The following PPP2R1A variants were observed in gnomAD, a reference collection of about 807,000 sequenced individuals.
PPP2R1A encodes the protein serine/threonine-protein phosphatase 2A 65 kDa regulatory subunit A alpha isoform.
A neutral mutation model predicts 67.1 loss-of-function variants in PPP2R1A; 15 were observed. The observed-to-expected ratio is 0.22, with a 90% confidence interval of 0.15 to 0.34. PPP2R1A has a LOEUF of 0.34. Among genes scored for constraint, PPP2R1A ranks in the 10% least tolerant of loss-of-function variants. PPP2R1A has a pLI of 1.00. For missense variants in PPP2R1A, 369 were observed against 775.0 expected, an observed-to-expected ratio of 0.48 and a Z score of 6.22; for synonymous variants, 337 against 325.0, an observed-to-expected ratio of 1.04 and a Z score of -0.40.
At chr19:52,225,012 T>G (rs1049735521) in intron 13 of PPP2R1A, among the ~76,000 whole-genome samples, 2 of 87,218 alleles carry the variant, frequency 2.3e-5, no homozygotes, top group African/African-American at 1.4e-4. Context: ...TGAGTTTACC[T>G]TTTTTTTTTT....
At chr19:52,195,755 G>A (rs1257754909) in intron 1 of PPP2R1A, among the ~76,000 whole-genome samples, 1 of 152,198 alleles carries the variant, frequency 6.6e-6, no homozygotes, top group African/African-American at 2.4e-5. Flanking sequence ...GAGCTATGGG[G>A]GAAGGGGTGT....
chr19:52,192,457 G>A (rs2089463112), intron 1 of PPP2R1A, among the ~76,000 whole-genome samples: 1 of 151,974 alleles, frequency 6.6e-6, no homozygotes, highest in African/African-American at 2.4e-5. Flanking sequence ...ACAGACGCAG[G>A]CCACCACGCC....
intron 1 of PPP2R1A, among the ~76,000 whole-genome samples, chr19:52,193,917 G>T (rs549741370): frequency 2.0e-5 from 3 of 150,258 alleles, no homozygotes; most frequent in African/African-American, 7.3e-5. Context: ...TTTAAGACCA[G>T]CCTGGGCAAC....
chr19:52,211,179 C>T lies in PPP2R1A; in HGVS notation c.271-81C>T. The T allele has an allele frequency of 2.2e-6, 3 of 1,347,594 alleles. No homozygotes were observed. The highest frequency in any genetic ancestry group is 3.1e-6 in the Non-Finnish European group (3 of 969,182). 83.5% of individuals were successfully genotyped at this position (1,347,594 alleles called of 1,614,324 possible). ...GAAGTTTTCTCTGAGGAGATGAGCCCATGATGGGGTGCAGGATGGGGCTCC... is the reference window on the plus strand; with the variant it reads ...GAAGTTTTCTCTGAGGAGATGAGCCTATGATGGGGTGCAGGATGGGGCTCC... On this transcript the variant is annotated intron_variant, in intron 3 of 14. Coordinates refer to ENST00000322088, the MANE Select transcript of PPP2R1A (RefSeq NM_014225.6). This position sits in a 1 kb window ranked among gnomAD's most constrained non-coding sequence, Gnocchi z 5.3.
intron 1 of PPP2R1A, among the ~76,000 whole-genome samples, chr19:52,197,319 T>C (rs193098810): frequency 2.0e-5 from 3 of 152,204 alleles, no homozygotes; most frequent in Non-Finnish European, 4.4e-5. Flanking sequence ...TCTTTCAAAA[T>C]TGCGTTCATT....
chr19:52,193,009 T>G (rs1390607681), intron 1 of PPP2R1A, among the ~76,000 whole-genome samples: 1 of 152,264 alleles, frequency 6.6e-6, no homozygotes, highest in East Asian at 1.9e-4. Context: ...TGCTGACCTC[T>G]GACTTAAACC....
intron 1 of PPP2R1A, chr19:52,201,461 G>C (rs980555207): frequency 6.5e-6 from 1 of 154,138 alleles, no homozygotes; most frequent in Non-Finnish European, 1.4e-5. Flanking sequence ...TTTGTTCCCC[G>C]AGCCTGTTTC....
At chr19:52,217,083 G>A (rs1054437746) in intron 9 of PPP2R1A, among the ~76,000 whole-genome samples, 5 of 152,072 alleles carry the variant, frequency 3.3e-5, no homozygotes, top group African/African-American at 9.7e-5. Flanking sequence ...TCAGCTACTC[G>A]GGCAGCTAAG....
intron 2 of PPP2R1A, among the ~76,000 whole-genome samples, chr19:52,204,420 G>A (rs2089581989): frequency 6.6e-6 from 1 of 152,162 alleles, no homozygotes; most frequent in East Asian, 1.9e-4. Context: ...AGTCTCCCAG[G>A]CGACAGCTAG....
intron 1 of PPP2R1A, chr19:52,201,559 T>G (rs1040007555): frequency 5.4e-6 from 1 of 184,938 alleles, no homozygotes; most frequent in African/African-American, 2.3e-5. Context: ...AGGAAGCGTG[T>G]TATAAACGTG....
chr19:52,190,422 G>C (rs927586527), intron 1 of PPP2R1A: 6 of 566,314 alleles, frequency 1.1e-5, no homozygotes, highest in Admixed American at 6.6e-5. Context: ...GCGCGCGGCG[G>C]TCCGCGGTCC....
chr19:52,196,096 G>C (rs1468929037), intron 1 of PPP2R1A, among the ~76,000 whole-genome samples: 5 of 152,204 alleles, frequency 3.3e-5, no homozygotes, highest in Non-Finnish European at 7.3e-5. Flanking sequence ...GGAGTTGTAT[G>C]CAAGGAAATG....
At chr19:52,205,692 C>G (rs980374310) in intron 2 of PPP2R1A, among the ~76,000 whole-genome samples, 1 of 152,168 alleles carries the variant, frequency 6.6e-6, no homozygotes. Flanking sequence ...ATTTTACAGA[C>G]GCAGAAGCTG....
At chr19:52,205,888 A>T in intron 2 of PPP2R1A, 75 bp from the exon 3 acceptor site, 1 of 1,194,014 alleles carries the variant, frequency 8.4e-7, no homozygotes, top group Non-Finnish European at 1.2e-6. Flanking sequence ...AGCAGAATGG[A>T]GTCCATGTGT....
At position 52,190,407 on chromosome 19, in the gene PPP2R1A, C is replaced by T. The variant is rs533512761; in HGVS notation, c.78+233C>T. On this transcript the variant is annotated intron_variant, in intron 1 of 14. Coordinates refer to ENST00000322088, the MANE Select transcript of PPP2R1A (RefSeq NM_014225.6). ...CTAGCCTCGAGGGTCCCGGGCCTGCCCTGTGCGCGCGGCGGTCCGCGGTCC... is the reference window on the plus strand; with the variant it reads ...CTAGCCTCGAGGGTCCCGGGCCTGCTCTGTGCGCGCGGCGGTCCGCGGTCC... 121 of 586,414 alleles carry T rather than the reference C, an allele frequency of 2.1e-4. 1 individual carries two copies. Among genetic ancestry groups the T allele is most frequent in the African/African-American group, 1.2e-3 (63 of 52,112 alleles). The allele number at this position is 586,414 out of a possible 1,614,324, so 36.3% of individuals were successfully genotyped here. A position where few individuals can be genotyped will look rare whatever the true frequency, so the allele number is the denominator to read the frequency against.
In PPP2R1A at chr19:52,202,134, T is replaced by C. The variant is rs976289595; in HGVS notation, c.169+100T>C. On this transcript the variant is annotated intron_variant, in intron 2 of 14. Transcript: ENST00000322088. The stretch of plus-strand genomic sequence containing the variant: ...GTGGATTTAACATATTGTTTGTGAA[T>C]ATCTGCCCTGTGTTAGACACTATGG... 12 of 1,024,726 alleles carry C rather than the reference T, an allele frequency of 1.2e-5. No individual in the cohort carries two copies. The African/African-American group carries it at 1.9e-4, about 16-fold the overall frequency. The allele number at this position is 1,024,726 out of a possible 1,614,324, so 63.5% of individuals were successfully genotyped here.
rs773404889 is a variant in PPP2R1A at position 52,215,753 on chromosome 19, C to T, written c.808-26C>T. 47 of 1,598,696 alleles carry T rather than the reference C, an allele frequency of 2.9e-5. No individual in the cohort carries two copies. The East Asian group carries it at 1.0e-3, about 34-fold the overall frequency. On this transcript the variant is annotated intron_variant, in intron 6 of 14. Transcript: ENST00000322088. The stretch of plus-strand genomic sequence containing the variant: ...GAGTAAACTGCCAGCCCCTCTCACT[C>T]TCCCCCTCCTCCTTCCTGTCTGCAG...
chr19:52,201,739 T>G (rs2089551503), intron 1 of PPP2R1A: 1 of 561,658 alleles, frequency 1.8e-6, no homozygotes, highest in Non-Finnish European at 3.2e-6. Context: ...TTTGCATTTG[T>G]TGCTGCTGCC....
rs758930597 is a variant in PPP2R1A at position 52,211,457 on chromosome 19, C to T, written c.468C>T (p.Pro156=). 3.7e-6 allele frequency: 6 copies of T among 1,613,860 alleles called. No individual in the cohort carries two copies. The highest frequency in any genetic ancestry group is 5.1e-6 in the Non-Finnish European group (6 of 1,179,944). ...GCGGCCTCTTCTCCGTCTGCTACCC[C>T]CGAGTGTCCAGTGCTGTGAAGGCGG... ...SACGLFSVCY[P]RVSSAVKAEL... is the part of the protein sequence containing the mutation. The change falls in exon 4 of 15, where the codon CCC becomes CCT. Residue 156 remains proline, a synonymous_variant. Transcript: ENST00000322088. The surrounding 1 kb of genome is among the most constrained non-coding windows in gnomAD (Gnocchi z 5.3).
Sources: allele counts gnomAD v4.1 joint callset (sites outside exome capture counted in the v4.1 genomes callset), GRCh38; gene constraint gnomAD v4.1.1; non-coding constraint Gnocchi (gnomAD v3.1); transcripts MANE v1.5; gene names NCBI Gene and HGNC (gene_info 2026-07-23, HGNC 2026-07-21).